The following SMARCD3 variants were observed in gnomAD, a reference collection of about 807,000 sequenced individuals.
SMARCD3 encodes SWI/SNF-related matrix-associated actin-dependent regulator of chromatin subfamily D member 3.
Under a neutral mutation model 58.0 loss-of-function variants are expected in SMARCD3, and 14 were observed. That is an observed-to-expected ratio of 0.24 (90% CI 0.16 to 0.38). SMARCD3 has a LOEUF of 0.38. SMARCD3 is among the 10% of genes least tolerant of loss of function. The pLI is 1.00. For synonymous variants in SMARCD3, 253 were observed against 253.8 expected, an observed-to-expected ratio of 1.00 and a Z score of 0.03; for missense variants, 408 against 636.9, an observed-to-expected ratio of 0.64 and a Z score of 3.87.
chr7:151,252,662 C>T (rs1296562956), upstream of SMARCD3, among the ~76,000 whole-genome samples: 1 of 152,110 alleles, frequency 6.6e-6, no homozygotes, highest in Non-Finnish European at 1.5e-5. Flanking sequence ...TCACGCCCAG[C>T]TCCAGAGAGG....
Position 151,243,846 on chromosome 7 carries a change from G to C in SMARCD3, c.291-145C>G. On this transcript the variant is annotated intron_variant, in intron 2 of 12. Transcript: ENST00000262188. This position sits in a 1 kb window ranked among gnomAD's most constrained non-coding sequence, Gnocchi z 4.4. The stretch of plus-strand genomic sequence containing the variant: ...TGTCTGCCCGCCCAAGGGCTGTGAC[G>C]GTGGTGTGTGGAACCGGTGCTCTGT... 2 of 740,064 alleles carry C rather than the reference G, an allele frequency of 2.7e-6. No homozygotes were observed. Among genetic ancestry groups the C allele is most frequent in the Non-Finnish European group, 5.0e-6 (2 of 403,870 alleles). 45.8% of individuals were successfully genotyped at this position (740,064 alleles called of 1,614,324 possible).
chr7:151,248,779 C>T, upstream of SMARCD3: 1 of 824,134 alleles, frequency 1.2e-6, no homozygotes, highest in Non-Finnish European at 1.5e-6. The surrounding 1 kb of genome is among the most constrained non-coding windows in gnomAD (Gnocchi z 6.1). Context: ...GCCGCCGCGG[C>T]TGCCGCATTC....
At chr7:151,271,303 G>GATC (rs1462319447) in intron 2 of SMARCD3, among the ~76,000 whole-genome samples, 1 of 152,178 alleles carries the variant, frequency 6.6e-6, no homozygotes, top group Admixed American at 6.5e-5. Flanking sequence ...TTAGGACACA[G>GATC]ATCATCTCCT....
At chr7:151,257,723 G>C (rs953569044) in intron 2 of SMARCD3, among the ~76,000 whole-genome samples, 1 of 152,094 alleles carries the variant, frequency 6.6e-6, no homozygotes, top group Admixed American at 6.5e-5. Flanking sequence ...TGCTCCTTCT[G>C]AGTCCCCGGG....
rs778106582 is a variant in SMARCD3, at chr7:151,243,627, G to T, written c.333+32C>A. The stretch of plus-strand genomic sequence containing the variant: ...AGGGCGGAGCAGCAAAGGGTGGGGG[G>T]TGGGCTGGGGGCTGCTGTGAAAGGC... On this transcript the variant is annotated intron_variant, in intron 3 of 12. Transcript: ENST00000262188. The surrounding 1 kb of genome is among the most constrained non-coding windows in gnomAD (Gnocchi z 4.4). The T allele has an allele frequency of 2.7e-5, 33 of 1,232,696 alleles. No individual in the cohort carries two copies. The highest frequency in any genetic ancestry group is 8.4e-6 in the Non-Finnish European group (7 of 833,556). The allele number at this position is 1,232,696 out of a possible 1,614,324, so 76.4% of individuals were successfully genotyped here. A position where few individuals can be genotyped will look rare whatever the true frequency, so the allele number is the denominator to read the frequency against.
At position 151,242,124 on chromosome 7, in the gene SMARCD3, C is replaced by A. The variant is rs781108215; in HGVS notation, c.675+13G>T. The stretch of plus-strand genomic sequence containing the variant: ...GGGTGGCAATTCAAGGGCGGAGGGG[C>A]TCTTGGTCTTACCTCAACGAGGTGG... On this transcript the variant is annotated intron_variant, in intron 6 of 12. Coordinates refer to ENST00000262188, the MANE Select transcript of SMARCD3 (RefSeq NM_001003801.2). This position sits in a 1 kb window ranked among gnomAD's most constrained non-coding sequence, Gnocchi z 4.7. The A allele has an allele frequency of 2.9e-5, 46 of 1,600,596 alleles. No homozygotes were observed. Among genetic ancestry groups the A allele is most frequent in the Non-Finnish European group, 3.5e-5 (41 of 1,167,768 alleles).
At chr7:151,256,602 C>T (rs554095732) in intron 2 of SMARCD3, among the ~76,000 whole-genome samples, 20 of 152,240 alleles carry the variant, frequency 1.3e-4, no homozygotes, top group Non-Finnish European at 2.1e-4. Context: ...GGATTCGGCA[C>T]GAGCTCAGCT....
Position 151,239,115 on chromosome 7 carries a change from C to T in SMARCD3, c.1440G>A (p.Val480=). The part of the protein sequence containing the change: ...RRQELEQSLV[V]RNT ...TATTTTTGGGCTCCTAGGTGTTGCG[C>T]ACAACCAGCGACTGCTCCAGCTCCT... The change falls in exon 13 of 13, where the codon GTG becomes GTA. Residue 480 remains valine, a synonymous_variant. Transcript: ENST00000262188. The surrounding 1 kb of genome is among the most constrained non-coding windows in gnomAD (Gnocchi z 7.0). 1 of 1,614,140 alleles carries T rather than the reference C, an allele frequency of 6.2e-7. No individual in the cohort carries two copies. Among genetic ancestry groups the T allele is most frequent in the Non-Finnish European group, 8.5e-7 (1 of 1,180,008 alleles).
intron 2 of SMARCD3, among the ~76,000 whole-genome samples, chr7:151,274,880 G>A (rs1304645190): frequency 6.6e-6 from 1 of 152,224 alleles, no homozygotes; most frequent in Non-Finnish European, 1.5e-5. Context: ...ACACCAGGAG[G>A]TGAGAGGACA....
At position 151,245,679 on chromosome 7, in the gene SMARCD3, T is replaced by A; in HGVS notation, c.79-8A>T. On this transcript the variant is annotated splice_polypyrimidine_tract_variant and splice_region_variant and intron_variant, in intron 1 of 12. Transcript: ENST00000262188. This position sits in a 1 kb window ranked among gnomAD's most constrained non-coding sequence, Gnocchi z 6.2. ...AGACGGCATCCCGGGGCGCTGGGGG[T>A]GGGCGGGGGTGAAGCAGAAACGGGC... The A allele has an allele frequency of 2.3e-6, 1 of 429,138 alleles. No homozygotes were observed. Among genetic ancestry groups the A allele is most frequent in the Non-Finnish European group, 3.3e-6 (1 of 306,206 alleles). 26.6% of individuals were successfully genotyped at this position (429,138 alleles called of 1,614,324 possible).
chr7:151,254,878 G>A (rs1803650384), intron 2 of SMARCD3, among the ~76,000 whole-genome samples: 3 of 152,306 alleles, frequency 2.0e-5, no homozygotes, highest in South Asian at 4.1e-4. Flanking sequence ...GGGTGTCACC[G>A]GAGTGAAGAG....
Position 151,240,694 on chromosome 7 carries a change from T to C in SMARCD3, c.940-172A>G, listed in dbSNP as rs558081867. On this transcript the variant is annotated intron_variant, in intron 8 of 12. Coordinates refer to ENST00000262188, the MANE Select transcript of SMARCD3 (RefSeq NM_001003801.2). ...TGGTCTGGTGGTGGAGCCACCGGTA[T>C]GGCTGACAAGATAGGGGGTGGGTCA... 1.5e-3 allele frequency: 745 copies of C among 502,220 alleles called. 2 individuals are homozygous for C. The highest frequency in any genetic ancestry group is 3.7e-3 in the Admixed American group (114 of 30,594). The allele number at this position is 502,220 out of a possible 1,614,324, so 31.1% of individuals were successfully genotyped here.
intron 1 of SMARCD3, among the ~76,000 whole-genome samples, chr7:151,247,693 C>T (rs1434480777): frequency 7.2e-6 from 1 of 139,268 alleles, no homozygotes; most frequent in Non-Finnish European, 1.6e-5. Flanking sequence ...CATTCCCCAC[C>T]CCTCCATACC....
chr7:151,273,289 T>C (rs1343827931), intron 2 of SMARCD3, among the ~76,000 whole-genome samples: 1 of 152,210 alleles, frequency 6.6e-6, no homozygotes, highest in African/African-American at 2.4e-5. Flanking sequence ...AGGCCTCCTC[T>C]GCCCTCCTTC....
chr7:151,239,005 A>C lies in SMARCD3; in HGVS notation c.*98T>G. Reference sequence around the variant, plus strand: ...TGAATGACTTTTAATCCAGCCCCACACCCCAAGGTGGCAGAGGAGTGATGC... The same window carrying C: ...TGAATGACTTTTAATCCAGCCCCACCCCCCAAGGTGGCAGAGGAGTGATGC... On this transcript the variant is annotated 3_prime_UTR_variant, in exon 13 of 13. Transcript: ENST00000262188. This position sits in a 1 kb window ranked among gnomAD's most constrained non-coding sequence, Gnocchi z 7.0. 7.8e-7 allele frequency: 1 copy of C among 1,281,408 alleles called. No homozygotes were observed. The highest frequency in any genetic ancestry group is 1.2e-5 in the South Asian group (1 of 84,160). 79.4% of individuals were successfully genotyped at this position (1,281,408 alleles called of 1,614,324 possible). A position where few individuals can be genotyped will look rare whatever the true frequency, so the allele number is the denominator to read the frequency against.
Position 151,239,117 on chromosome 7 carries a change from C to A in SMARCD3, c.1438G>T (p.Val480Leu), listed in dbSNP as rs1210762050. Residue 480 changes from valine (V) to leucine (L), a missense_variant, in exon 13 of 13, where the codon GTG (valine) becomes TTG (leucine). Transcript: ENST00000262188. The surrounding 1 kb of genome is among the most constrained non-coding windows in gnomAD (Gnocchi z 7.0). ...TTTTTGGGCTCCTAGGTGTTGCGCA[C>A]AACCAGCGACTGCTCCAGCTCCTGC... ...RRQELEQSLV[V>L]RNT 6.2e-7 allele frequency: 1 copy of A among 1,614,166 alleles called. No individual in the cohort carries two copies. The highest frequency in any genetic ancestry group is 1.7e-5 in the Admixed American group (1 of 60,030).
rs182005312 is a variant in SMARCD3 at position 151,256,228 on chromosome 7, T to C, written c.40-10557A>G. ...ACAGAGTGTCGCCCTGTTGCCCAGG[T>C]GGCGCGATCTCAGCTCACTGCAACC... On this transcript the variant is annotated intron_variant, in intron 2 of 13. Coordinates refer to the SMARCD3 transcript ENST00000356800. Among the ~76,000 whole-genome samples, 1,319 of 148,066 alleles carry C rather than the reference T, an allele frequency of 8.9e-3. 14 individuals carry two copies. The highest frequency in any genetic ancestry group is 0.037 in the South Asian group (173 of 4,656).
At chr7:151,270,248 C>T (rs577612579) in intron 2 of SMARCD3, among the ~76,000 whole-genome samples, 2 of 152,104 alleles carry the variant, frequency 1.3e-5, no homozygotes, top group Non-Finnish European at 2.9e-5. Context: ...GAGGGAGACG[C>T]GGGGCACAGG....
At chr7:151,259,393 C>CTGTGTG (rs758652327) in intron 2 of SMARCD3, among the ~76,000 whole-genome samples, 31,743 of 135,456 alleles carry the variant, frequency 0.23, 3,955 homozygotes, top group Middle Eastern at 0.27. Flanking sequence ...AAGGTAGGGG[C>CTGTGTG]TGTGTGTGTG....
Sources: gnomAD v4.1 joint callset for allele counts (sites outside exome capture counted in the v4.1 genomes callset) on GRCh38, gnomAD v4.1.1 for gene constraint, Gnocchi (gnomAD v3.1) non-coding constraint, MANE v1.5 for transcripts, NCBI Gene and HGNC (gene_info 2026-07-23, HGNC 2026-07-21) for gene names.